Variants in SMG7 observed in about 807,000 individuals in gnomAD.
SMG7 encodes the protein SMG7 nonsense mediated mRNA decay factor.
SMG7 carries 34 observed loss-of-function variants against 148.2 expected under a neutral mutation model. The ratio of observed to expected loss-of-function variants is 0.23; its 90% CI spans 0.17 to 0.31. SMG7 has a LOEUF of 0.31. Ranked by LOEUF, SMG7 falls within the 10% of genes least tolerant of loss-of-function variation. The pLI, the probability that SMG7 is intolerant of heterozygous loss-of-function variation, is 1.00. For missense variants in SMG7, 1,114 were observed against 1,408.4 expected (o/e 0.79, Z 3.35); for synonymous variants, 492 against 515.1 (o/e 0.96, Z 0.61).
intron 6 of SMG7, among the ~76,000 whole-genome samples, chr1:183,528,243 A>G (rs1380510036): frequency 6.6e-6 from 1 of 152,000 alleles, no homozygotes; most frequent in Admixed American, 6.6e-5. Context: ...TTTATTATTT[A>G]TTATTGTCAG....
At position 183,546,297 on chromosome 1, in the gene SMG7, T is replaced by C; in HGVS notation, c.2702T>C (p.Phe901Ser). 6.2e-7 allele frequency: 1 copy of C among 1,613,988 alleles called. No individual in the cohort carries two copies. The highest frequency in any genetic ancestry group is 2.2e-5 in the East Asian group (1 of 44,878). ...DRRGKRSPGV[F>S]RPEQDPVPRM... ...AGGGGCAAACGGTCACCAGGAGTCTTCCGTCCAGAGCAGGATCCTGTACCC... is the reference window on the plus strand; with the variant it reads ...AGGGGCAAACGGTCACCAGGAGTCTCCCGTCCAGAGCAGGATCCTGTACCC... The change falls in exon 17 of 23, where the codon TTC (phenylalanine) becomes TCC (serine). Residue 901 changes from phenylalanine to serine, a missense_variant. Phe to Ser is a radical substitution (Grantham distance 155). Transcript: ENST00000688051.
chr1:183,485,618 A>G (rs1346632740), intron 1 of SMG7, among the ~76,000 whole-genome samples: 1 of 152,198 alleles, frequency 6.6e-6, no homozygotes, highest in African/African-American at 2.4e-5. Context: ...TTATGGGGGA[A>G]AATAACTTTG....
chr1:183,484,675 G>T (rs1008121365), intron 1 of SMG7, among the ~76,000 whole-genome samples: 7 of 152,044 alleles, frequency 4.6e-5, no homozygotes, highest in African/African-American at 1.7e-4. Context: ...GAGGTGTGCA[G>T]TATATCCTGA....
chr1:183,497,099 A>T (rs1396567001), intron 1 of SMG7, among the ~76,000 whole-genome samples: 1 of 152,212 alleles, frequency 6.6e-6, no homozygotes, highest in African/African-American at 2.4e-5. Context: ...CCCTTTAACA[A>T]AACTCTTTAA....
chr1:183,524,823 GT>G (rs1411762820), intron 4 of SMG7, among the ~76,000 whole-genome samples: 1 of 152,178 alleles, frequency 6.6e-6, no homozygotes, highest in East Asian at 1.9e-4. Flanking sequence ...AGGGAAATAA[GT>G]TACGTTATAA....
Position 183,552,504 on chromosome 1 carries a change from T to C in SMG7, c.*573T>C, listed in dbSNP as rs1558078422. 2 of 996,962 alleles carry C rather than the reference T, an allele frequency of 2.0e-6. No homozygotes were observed. The highest frequency in any genetic ancestry group is 1.1e-4 in the Admixed American group (2 of 18,162). 61.8% of individuals were successfully genotyped at this position (996,962 alleles called of 1,614,324 possible). On this transcript the variant is annotated 3_prime_UTR_variant, in exon 23 of 23. Transcript: ENST00000688051. ...CCCCGTTCACTGCTCCTGTGAGAGG[T>C]TGGTGGTGACAGGATGGGGAACCGA... is the stretch of plus-strand genomic sequence containing the variant.
At chr1:183,502,173 A>T in intron 1 of SMG7, 1 of 949,932 alleles carries the variant, frequency 1.1e-6, no homozygotes, top group Non-Finnish European at 1.4e-6. Flanking sequence ...GTCATTTCAA[A>T]TAAAGATAAA....
At position 183,552,775 on chromosome 1, in the gene SMG7, C is replaced by G; in HGVS notation, c.*844C>G. ...TACAGTCGCACAGCAAGCAGTCTCA[C>G]AGAAGGCAGGCTAGTCCATTCACAG... is the stretch of plus-strand genomic sequence containing the variant. On this transcript the variant is annotated 3_prime_UTR_variant, in exon 23 of 23. Transcript: ENST00000688051. 2 of 1,398,310 alleles carry G rather than the reference C, an allele frequency of 1.4e-6. No individual in the cohort carries two copies. Among genetic ancestry groups the G allele is most frequent in the Non-Finnish European group, 1.9e-6 (2 of 1,078,766 alleles). 86.6% of individuals were successfully genotyped at this position (1,398,310 alleles called of 1,614,324 possible).
At chr1:183,494,860 C>G (rs1321212229) in intron 1 of SMG7, among the ~76,000 whole-genome samples, 1 of 138,760 alleles carries the variant, frequency 7.2e-6, no homozygotes, top group Non-Finnish European at 1.5e-5. Flanking sequence ...TTGGGTGTCT[C>G]GCTCTGTTGC....
chr1:183,504,788 G>C (rs926989804), intron 1 of SMG7, among the ~76,000 whole-genome samples: 3 of 152,018 alleles, frequency 2.0e-5, no homozygotes, highest in African/African-American at 7.3e-5. Flanking sequence ...ACACAGATTG[G>C]ATCTACCTTA....
chr1:183,506,733 G>A (rs1156827106), intron 1 of SMG7, among the ~76,000 whole-genome samples: 1 of 151,682 alleles, frequency 6.6e-6, no homozygotes, highest in South Asian at 2.1e-4. Flanking sequence ...CTTAGCAGCT[G>A]TGAGTTTAGA....
At chr1:183,498,215 A>G (rs893013702) in intron 1 of SMG7, among the ~76,000 whole-genome samples, 1 of 152,248 alleles carries the variant, frequency 6.6e-6, no homozygotes, top group Admixed American at 6.5e-5. Context: ...ATCTAAAATT[A>G]TATGGAGCTT....
intron 22 of SMG7, 80 bp from the exon 23 acceptor site, chr1:183,551,738 A>G (rs569946890): frequency 1.1e-5 from 13 of 1,137,682 alleles, no homozygotes; most frequent in African/African-American, 1.6e-5. Context: ...ATATGCCTTT[A>G]TATTTGGCTG....
chr1:183,529,818 T>C (rs1666546234), intron 8 of SMG7, among the ~76,000 whole-genome samples: 1 of 152,152 alleles, frequency 6.6e-6, no homozygotes, highest in Non-Finnish European at 1.5e-5. Context: ...TTGAAACTAC[T>C]ACTACTTTTG....
chr1:183,538,706 G>A (rs1668233312), intron 12 of SMG7, among the ~76,000 whole-genome samples: 1 of 152,046 alleles, frequency 6.6e-6, no homozygotes, highest in Non-Finnish European at 1.5e-5. Context: ...TGCTCCATCT[G>A]TTATCCTCTC....
Position 183,553,322 on chromosome 1 carries a change from G to C in SMG7, c.*1391G>C, listed in dbSNP as rs1671347091. The stretch of plus-strand genomic sequence containing the variant: ...AGTAATATTTTAAGGGGAAATTATG[G>C]AAACAATCTAATTGTTCAATTGCTG... On this transcript the variant is annotated 3_prime_UTR_variant, in exon 23 of 23. Transcript: ENST00000688051. The C allele has an allele frequency of 9.5e-7, 1 of 1,057,992 alleles. No homozygotes were observed. The highest frequency in any genetic ancestry group is 2.7e-5 in the Admixed American group (1 of 36,720). 65.5% of individuals were successfully genotyped at this position (1,057,992 alleles called of 1,614,324 possible).
intron 1 of SMG7, among the ~76,000 whole-genome samples, chr1:183,506,403 A>G (rs1557987504): frequency 6.6e-6 from 1 of 152,158 alleles, no homozygotes; most frequent in South Asian, 2.1e-4. Context: ...AATGACATTC[A>G]ACAGTAGAGC....
chr1:183,519,568 G>A (rs1664297633), intron 4 of SMG7, among the ~76,000 whole-genome samples: 1 of 151,748 alleles, frequency 6.6e-6, no homozygotes, highest in Non-Finnish European at 1.5e-5. Context: ...GGATACATTA[G>A]TAAGTATATT....
At chr1:183,500,112 CTGT>C (rs1292025994) in intron 1 of SMG7, among the ~76,000 whole-genome samples, 2 of 152,126 alleles carry the variant, frequency 1.3e-5, no homozygotes, top group African/African-American at 4.8e-5. Flanking sequence ...AATAGCTTTC[CTGT>C]TGTTTATGGC....
Sources: gnomAD v4.1 joint callset for allele counts (sites outside exome capture counted in the v4.1 genomes callset) on GRCh38, gnomAD v4.1.1 for gene constraint, MANE v1.5 for transcripts, NCBI Gene and HGNC (gene_info 2026-07-23, HGNC 2026-07-21) for gene names.